Variants in FA2H observed in about 807,000 individuals in gnomAD.
FA2H encodes the protein fatty acid alpha-hydroxylase.
In FA2H, 22 loss-of-function variants were observed where a neutral mutation model predicts 44.9. That is an observed-to-expected ratio of 0.49 (90% CI 0.35 to 0.70). The LOEUF is 0.70. Ranked by LOEUF, FA2H falls within the 30% of genes least tolerant of loss-of-function variation. The pLI is 0.01. For synonymous variants in FA2H, 243 were observed against 213.2 expected (o/e 1.14, Z -1.22); for missense variants, 501 against 504.9 (o/e 0.99, Z 0.07).
At position 74,714,048 on chromosome 16, in the gene FA2H, A is replaced by G; in HGVS notation, c.*142T>C. 1 of 635,766 alleles carries G rather than the reference A, an allele frequency of 1.6e-6. No individual in the cohort carries two copies. Among genetic ancestry groups the G allele is most frequent in the South Asian group, 1.8e-5 (1 of 55,936 alleles). The allele number at this position is 635,766 out of a possible 1,614,324, so 39.4% of individuals were successfully genotyped here. Reference sequence around the variant, plus strand: ...GGCGGTCCTGCCTCAGGGCCCCCTCAGCACCTTCCACTAGGCTGCAGGGCC... The same window carrying G: ...GGCGGTCCTGCCTCAGGGCCCCCTCGGCACCTTCCACTAGGCTGCAGGGCC... On this transcript the variant is annotated 3_prime_UTR_variant, in exon 7 of 7. Transcript: ENST00000219368.
intron 1 of FA2H, among the ~76,000 whole-genome samples, chr16:74,769,770 G>A (rs1450710918): frequency 1.3e-5 from 2 of 152,214 alleles, no homozygotes; most frequent in African/African-American, 4.8e-5. Context: ...GCTGCAGCTG[G>A]CAGAGCACTG....
At position 74,740,086 on chromosome 16, in the gene FA2H, A is replaced by G. The variant is rs1370993098; in HGVS notation, c.300T>C (p.Leu100=). The G allele has an allele frequency of 6.2e-7, 1 of 1,613,896 alleles. No individual in the cohort carries two copies. Among genetic ancestry groups the G allele is most frequent in the South Asian group, 1.1e-5 (1 of 91,078 alleles). The part of the protein sequence containing the change: ...QGSMENEPVA[L]EETQKTDPAM... Reference sequence around the variant, plus strand: ...CAGGATCTGTCTTCTGAGTTTCCTCAAGGGCTACAGGCTCGTTCTCCATGG... The same window carrying G: ...CAGGATCTGTCTTCTGAGTTTCCTCGAGGGCTACAGGCTCGTTCTCCATGG... The change falls in exon 2 of 7, where the codon CTT becomes CTC. Residue 100 remains leucine (L), a synonymous_variant. Transcript: ENST00000219368.
intron 1 of FA2H, among the ~76,000 whole-genome samples, chr16:74,761,223 G>A (rs1221550997): frequency 3.9e-5 from 6 of 152,164 alleles, no homozygotes; most frequent in Admixed American, 6.5e-5. Context: ...AAGCCAAGGC[G>A]AGCAGATCAC....
chr16:74,754,008 T>C (rs565523566), intron 1 of FA2H, among the ~76,000 whole-genome samples: 13 of 152,212 alleles, frequency 8.5e-5, no homozygotes, highest in Non-Finnish European at 5.9e-5. Flanking sequence ...CTCTCTGTCT[T>C]GGAGTCATTT....
chr16:74,765,378 G>A (rs1889574694), intron 1 of FA2H, among the ~76,000 whole-genome samples: 1 of 151,948 alleles, frequency 6.6e-6, no homozygotes, highest in Admixed American at 6.5e-5. Context: ...GCTGGTCTCG[G>A]ACTCCTGACC....
At chr16:74,714,327 G>A (rs1961646912) in intron 6 of FA2H, 58 bp from the exon 7 acceptor site, 6 of 1,117,538 alleles carry the variant, frequency 5.4e-6, no homozygotes, top group African/African-American at 1.5e-5. Context: ...GCGTGCGCTG[G>A]CTTGGGAAGG....
intron 1 of FA2H, among the ~76,000 whole-genome samples, chr16:74,770,198 C>T (rs1452568909): frequency 1.3e-5 from 2 of 152,222 alleles, no homozygotes; most frequent in African/African-American, 4.8e-5. Flanking sequence ...GGGCTCTAAC[C>T]ACAAGGGTGT....
chr16:74,774,303 G>T (rs1407619800), intron 1 of FA2H, among the ~76,000 whole-genome samples, 183 bp downstream of exon 1: 2 of 152,076 alleles, frequency 1.3e-5, no homozygotes, highest in Admixed American at 1.3e-4. Flanking sequence ...CTGGAGAGAG[G>T]AAGGAGGGGT....
intron 1 of FA2H, among the ~76,000 whole-genome samples, chr16:74,758,060 A>C (rs1329347628): frequency 6.6e-6 from 1 of 151,232 alleles, no homozygotes; most frequent in Non-Finnish European, 1.5e-5. Flanking sequence ...AATCTCTGTG[A>C]GATTACACAA....
At position 74,774,493 on chromosome 16, in the gene FA2H, T is replaced by A. The variant is rs1962971256; in HGVS notation, c.263A>T (p.Glu88Val). The change falls in exon 1 of 7, where the codon GAG (glutamate) becomes GTG (valine). Residue 88 changes from glutamate (E) to valine (V), a missense_variant. By Grantham distance (121) the Glu-to-Val change is moderately radical. Transcript: ENST00000219368. ...EQYYVGELRG[E>V]QQGSMENEPV... ...GCCCCGGCCCGGCTGTACCTGCTGCTCCCCGCGGAGCTCTCCCACGTAGTA... is the reference window on the plus strand; with the variant it reads ...GCCCCGGCCCGGCTGTACCTGCTGCACCCCGCGGAGCTCTCCCACGTAGTA... 6.6e-7 allele frequency: 1 copy of A among 1,515,876 alleles called. No homozygotes were observed. The highest frequency in any genetic ancestry group is 2.6e-5 in the East Asian group (1 of 38,970). The allele number at this position is 1,515,876 out of a possible 1,614,324, so 93.9% of individuals were successfully genotyped here. A position where few individuals can be genotyped will look rare whatever the true frequency, so the allele number is the denominator to read the frequency against.
intron 4 of FA2H, among the ~76,000 whole-genome samples, chr16:74,721,699 G>A (rs1961843271): frequency 6.6e-6 from 1 of 152,130 alleles, no homozygotes; most frequent in Admixed American, 6.5e-5. Flanking sequence ...CCTTGAACAC[G>A]CTCTACTCCC....
chr16:74,750,491 T>C (rs796722875), intron 1 of FA2H, among the ~76,000 whole-genome samples: 3 of 152,322 alleles, frequency 2.0e-5, no homozygotes, highest in African/African-American at 4.8e-5. Flanking sequence ...CAAATGATTA[T>C]ACTACGAAAA....
At chr16:74,748,177 C>A (rs892005378) in intron 1 of FA2H, among the ~76,000 whole-genome samples, 1 of 152,250 alleles carries the variant, frequency 6.6e-6, no homozygotes, top group Non-Finnish European at 1.5e-5. Flanking sequence ...CGGCCTTGTT[C>A]CCCTTCTTTA....
At chr16:74,723,688 C>A (rs76974306) in intron 4 of FA2H, among the ~76,000 whole-genome samples, 1,770 of 152,202 alleles carry the variant, frequency 0.012, 33 homozygotes, top group African/African-American at 0.041. Flanking sequence ...ACCCTGATAC[C>A]TCTGGGGTCC....
intron 2 of FA2H, 24 bp downstream of exon 2, chr16:74,739,999 C>A (rs762433441): frequency 3.1e-5 from 49 of 1,566,700 alleles, no homozygotes; most frequent in Non-Finnish European, 4.3e-5. Context: ...CAGTCATCAC[C>A]CCACTCCATC....
chr16:74,742,364 C>T (rs58027882), intron 1 of FA2H, among the ~76,000 whole-genome samples: 3,928 of 152,260 alleles, frequency 0.026, 173 homozygotes, highest in African/African-American at 0.09. Flanking sequence ...GGACACAAAA[C>T]ATGCATCTTG....
chr16:74,725,350 A>AC (rs1163611467), intron 4 of FA2H, among the ~76,000 whole-genome samples: 4 of 152,190 alleles, frequency 2.6e-5, no homozygotes, highest in Non-Finnish European at 5.9e-5. Context: ...GGACAGACAG[A>AC]CCACAGGGCA....
At chr16:74,768,098 C>T (rs1962841281) in intron 1 of FA2H, among the ~76,000 whole-genome samples, 1 of 151,924 alleles carries the variant, frequency 6.6e-6, no homozygotes, top group Non-Finnish European at 1.5e-5. Flanking sequence ...GAGCATGTGT[C>T]ATAAGAAAAA....
At chr16:74,735,181 G>C (rs938436808) in intron 2 of FA2H, among the ~76,000 whole-genome samples, 7 of 152,222 alleles carry the variant, frequency 4.6e-5, no homozygotes, top group African/African-American at 7.2e-5. Flanking sequence ...CCCAGGCTCG[G>C]CCAGGAGGCC....
Sources: gnomAD v4.1 joint callset for allele counts (sites outside exome capture counted in the v4.1 genomes callset) on GRCh38, gnomAD v4.1.1 for gene constraint, MANE v1.5 for transcripts, NCBI Gene and HGNC (gene_info 2026-07-23, HGNC 2026-07-21) for gene names.